The following CLYBL variants were observed in gnomAD, a reference collection of about 807,000 sequenced individuals.
The protein encoded by CLYBL is citramalyl-CoA lyase.
A neutral mutation model predicts 38.9 loss-of-function variants in CLYBL; 31 were observed. The observed-to-expected ratio is 0.80, with a 90% confidence interval of 0.60 to 1.08. The LOEUF (loss-of-function observed/expected upper bound fraction) is 1.08. Ranked by LOEUF, CLYBL falls within the 50% of genes least tolerant of loss-of-function variation. The pLI, the probability that CLYBL is intolerant of heterozygous loss-of-function variation, is 0.00. For missense variants in CLYBL, 434 were observed against 411.6 expected (o/e 1.05, Z -0.47); for synonymous variants, 171 against 158.6 (o/e 1.08, Z -0.59).
At chr13:99,645,454 C>T (rs8001493) in intron 1 of CLYBL, among the ~76,000 whole-genome samples, 3,329 of 147,696 alleles carry the variant, frequency 0.023, 135 homozygotes, top group African/African-American at 0.079. Flanking sequence ...GCTGAGATTG[C>T]ACCACTGCAC....
At chr13:99,727,462 G>A (rs963914334) in intron 1 of CLYBL, 5 of 151,888 alleles carry the variant, frequency 3.3e-5, no homozygotes, top group East Asian at 3.9e-4. Context: ...CATAAAATCC[G>A]AGGATTGTGG....
chr13:99,876,554 A>G (rs1480673320), intron 7 of CLYBL, among the ~76,000 whole-genome samples: 1 of 151,996 alleles, frequency 6.6e-6, no homozygotes, highest in Admixed American at 6.6e-5. Context: ...ATCCAGGTTC[A>G]TATTTTTCCG....
intron 1 of CLYBL, among the ~76,000 whole-genome samples, chr13:99,766,660 T>C (rs908991151): frequency 6.6e-6 from 1 of 152,210 alleles, no homozygotes; most frequent in Non-Finnish European, 1.5e-5. Context: ...TTGTATTTTA[T>C]TGGATACATT....
At chr13:99,795,886 C>T (rs1378612288) in intron 2 of CLYBL, among the ~76,000 whole-genome samples, 2 of 152,282 alleles carry the variant, frequency 1.3e-5, no homozygotes, top group Non-Finnish European at 1.5e-5. Flanking sequence ...AAGCCCCCTG[C>T]CATTTTGCAG....
chr13:99,907,421 A>G (rs2052707921), intron 9 of CLYBL, among the ~76,000 whole-genome samples: 1 of 152,174 alleles, frequency 6.6e-6, no homozygotes, highest in Non-Finnish European at 1.5e-5. Flanking sequence ...GATTATAACC[A>G]TGTTAAAAAG....
At chr13:99,887,634 T>G (rs1594247977) in intron 7 of CLYBL, among the ~76,000 whole-genome samples, 1 of 152,148 alleles carries the variant, frequency 6.6e-6, no homozygotes, top group African/African-American at 2.4e-5. Context: ...ACACCTATGG[T>G]CCCAGCCACA....
intron 7 of CLYBL, among the ~76,000 whole-genome samples, chr13:99,888,391 C>A (rs1433100899): frequency 6.6e-6 from 1 of 152,132 alleles, no homozygotes; most frequent in Non-Finnish European, 1.5e-5. Flanking sequence ...AGGCAACAGG[C>A]CCCAGACTAG....
chr13:99,861,150 T>C (rs1452159152), intron 3 of CLYBL, among the ~76,000 whole-genome samples: 1 of 152,118 alleles, frequency 6.6e-6, no homozygotes, highest in African/African-American at 2.4e-5. Flanking sequence ...CATTTAATCG[T>C]CTCCTTTTGA....
At chr13:99,686,591 T>C (rs941265478) in intron 1 of CLYBL, among the ~76,000 whole-genome samples, 1 of 152,234 alleles carries the variant, frequency 6.6e-6, no homozygotes, top group African/African-American at 2.4e-5. Flanking sequence ...AGTAATGCAA[T>C]GTTTTGCTTT....
chr13:99,784,192 A>G (rs542263379), intron 2 of CLYBL, among the ~76,000 whole-genome samples: 69 of 152,202 alleles, frequency 4.5e-4, no homozygotes, highest in African/African-American at 1.6e-3. Context: ...AATTCAATCA[A>G]TTCTTAGATC....
intron 1 of CLYBL, among the ~76,000 whole-genome samples, chr13:99,648,552 G>T (rs188395262): frequency 2.8e-4 from 43 of 152,154 alleles, no homozygotes; most frequent in African/African-American, 9.9e-4. Flanking sequence ...CTATTTAAAG[G>T]CCCCTTTTTC....
chr13:99,718,228 G>A (rs775255194), intron 1 of CLYBL, among the ~76,000 whole-genome samples: 53 of 152,016 alleles, frequency 3.5e-4, no homozygotes, highest in Non-Finnish European at 7.1e-4. Flanking sequence ...ATAAGTAGGG[G>A]TCACTTAGGG....
chr13:99,881,253 A>G (rs1358106919), intron 7 of CLYBL, among the ~76,000 whole-genome samples: 1 of 152,232 alleles, frequency 6.6e-6, no homozygotes, highest in Non-Finnish European at 1.5e-5. Context: ...GTAGAGATAC[A>G]TTAGCATCCG....
chr13:99,847,288 T>G (rs1390495387), intron 2 of CLYBL, among the ~76,000 whole-genome samples: 2 of 152,160 alleles, frequency 1.3e-5, no homozygotes, highest in African/African-American at 4.8e-5. Flanking sequence ...AAAAGGCACG[T>G]TTTCATCCTC....
At chr13:99,793,735 G>A (rs1042202443) in intron 2 of CLYBL, among the ~76,000 whole-genome samples, 1 of 151,990 alleles carries the variant, frequency 6.6e-6, no homozygotes, top group East Asian at 1.9e-4. Context: ...AAGAGATGCA[G>A]GCTTTAAATT....
intron 9 of CLYBL, among the ~76,000 whole-genome samples, chr13:99,907,182 G>A (rs1402665596): frequency 1.3e-5 from 2 of 152,184 alleles, no homozygotes; most frequent in Admixed American, 1.3e-4. Flanking sequence ...TGCGAGTCTG[G>A]AGCTGAACTG....
intron 1 of CLYBL, among the ~76,000 whole-genome samples, chr13:99,653,369 C>T (rs879308939): frequency 1.3e-5 from 2 of 150,336 alleles, no homozygotes; most frequent in Non-Finnish European, 2.9e-5. Context: ...ACAAGGAGGA[C>T]CGGCCAAAAA....
At chr13:99,901,652 T>G (rs1362893628), downstream of CLYBL, among the ~76,000 whole-genome samples, 6 of 125,952 alleles carry the variant, frequency 4.8e-5, no homozygotes, top group Admixed American at 1.6e-4. Flanking sequence ...TTTGTTTTTT[T>G]TTTTTGTTTG....
chr13:99,841,553 C>G (rs968232584), intron 2 of CLYBL, among the ~76,000 whole-genome samples: 15 of 152,070 alleles, frequency 9.9e-5, no homozygotes, highest in South Asian at 4.2e-4. Flanking sequence ...GCGCGTGCCA[C>G]CACGCCTGGC....
Sources: gnomAD v4.1 joint callset for allele counts (sites outside exome capture counted in the v4.1 genomes callset) on GRCh38, gnomAD v4.1.1 for gene constraint, MANE v1.5 for transcripts, NCBI Gene and HGNC (gene_info 2026-07-23, HGNC 2026-07-21) for gene names.